Variants in HADH observed in about 807,000 individuals in gnomAD.
HADH encodes hydroxyacyl-coenzyme A dehydrogenase, mitochondrial.
In HADH, 24 loss-of-function variants were observed where a neutral mutation model predicts 32.2. The ratio of observed to expected loss-of-function variants is 0.75; its 90% CI spans 0.54 to 1.05. HADH has a LOEUF of 1.05. Among genes scored for constraint, HADH ranks in the 50% least tolerant of loss-of-function variants. The probability of loss-of-function intolerance (pLI) is 0.00; values close to 1 mark genes in which losing one functional copy is unlikely to be tolerated. For synonymous variants in HADH, 139 were observed against 152.5 expected, an observed-to-expected ratio of 0.91 and a Z score of 0.65; for missense variants, 350 against 397.1, an observed-to-expected ratio of 0.88 and a Z score of 1.01.
chr4:108,005,167 T>C, intron 1 of HADH: 1 of 299,880 alleles, frequency 3.3e-6, no homozygotes, highest in South Asian at 5.3e-5. Context: ...ACTAGGGTCT[T>C]TGGGGATCTA....
At position 108,019,685 on chromosome 4, in the gene HADH, G is replaced by A; in HGVS notation, c.546+19G>A. ...TGTGGAGGTCAGTGGGTGTCAGCTT[G>A]TGTGTGTCTGCCCGCTCTGCCAGCT... is the stretch of plus-strand genomic sequence containing the variant. On this transcript the variant is annotated intron_variant, in intron 4 of 7. Transcript: ENST00000309522. 1 of 1,613,774 alleles carries A rather than the reference G, an allele frequency of 6.2e-7. No individual in the cohort carries two copies. Among genetic ancestry groups the A allele is most frequent in the East Asian group, 2.2e-5 (1 of 44,868 alleles).
At chr4:107,995,757 G>C (rs1734936877) in intron 1 of HADH, among the ~76,000 whole-genome samples, 1 of 152,284 alleles carries the variant, frequency 6.6e-6, no homozygotes, top group Admixed American at 6.5e-5. Context: ...AAATCCCCAA[G>C]CCTGAATTCA....
intron 1 of HADH, among the ~76,000 whole-genome samples, chr4:107,994,004 A>C (rs1267749325): frequency 6.6e-6 from 1 of 152,088 alleles, no homozygotes; most frequent in Non-Finnish European, 1.5e-5. Context: ...TGCTTCATAC[A>C]TTGGGTTTTT....
At position 108,028,981 on chromosome 4, in the gene HADH, G is replaced by A. The variant is rs1382682066; in HGVS notation, c.709+1221G>A. ...GCTGAAGCTGGAAGAGCAGGACCTGGCCTCAGGACATGCTCTTAGCTTGCT... is the reference window on the plus strand; with the variant it reads ...GCTGAAGCTGGAAGAGCAGGACCTGACCTCAGGACATGCTCTTAGCTTGCT... On this transcript the variant is annotated intron_variant, in intron 6 of 7. Coordinates refer to ENST00000309522, the MANE Select transcript of HADH (RefSeq NM_005327.7). The A allele has an allele frequency of 4.8e-5, 19 of 398,496 alleles. No homozygotes were observed. The East Asian group carries it at 6.4e-4, about 13-fold the overall frequency. 24.7% of individuals were successfully genotyped at this position (398,496 alleles called of 1,614,324 possible). A position where few individuals can be genotyped will look rare whatever the true frequency, so the allele number is the denominator to read the frequency against.
At chr4:108,031,926 T>C (rs1354880501) in intron 6 of HADH, 1 of 161,948 alleles carries the variant, frequency 6.2e-6, no homozygotes, top group Non-Finnish European at 1.3e-5. Context: ...ACTCAAATCA[T>C]GATTTCTCAG....
At chr4:108,019,818 T>G (rs768148253) in intron 4 of HADH, 152 bp downstream of exon 4, 4 of 839,846 alleles carry the variant, frequency 4.8e-6, no homozygotes, top group Non-Finnish European at 6.1e-6. Flanking sequence ...CTAGGAGGGC[T>G]TCTATGCTTT....
At chr4:107,998,226 C>T (rs1282344600) in intron 1 of HADH, among the ~76,000 whole-genome samples, 1 of 152,066 alleles carries the variant, frequency 6.6e-6, no homozygotes, top group Non-Finnish European at 1.5e-5. Context: ...ATATGGGGGA[C>T]ATCTAGCTTA....
At chr4:108,014,838 C>G (rs560704528) in intron 3 of HADH, among the ~76,000 whole-genome samples, 34 of 152,248 alleles carry the variant, frequency 2.2e-4, no homozygotes, top group African/African-American at 7.2e-4. Context: ...TTATTTCCCT[C>G]TGTACATCCA....
chr4:108,005,369 C>T (rs941432343), intron 1 of HADH: 3 of 158,598 alleles, frequency 1.9e-5, no homozygotes, highest in African/African-American at 4.8e-5. Context: ...GACATTTTGC[C>T]GTAAGTTGAA....
chr4:108,003,811 TAAAA>T lies in HADH; in HGVS notation c.133-5936_133-5933del, dbSNP rs74268353. 2.7e-4 allele frequency among the ~76,000 whole-genome samples: 40 copies of T among 146,642 alleles called. 1 individual carries two copies. The highest frequency in any genetic ancestry group is 3.5e-3 in the Middle Eastern group (1 of 288). ...AAAGAAGAAGGGGGCAGCCCAGAAT[TAAAA>T]AAAAAAAAAAACAAAAAAAAAACCC... is the stretch of plus-strand genomic sequence containing the variant. On this transcript the variant is annotated intron_variant, in intron 1 of 7. Transcript: ENST00000309522.
Position 108,009,798 on chromosome 4 carries a change from C to T in HADH, c.172C>T (p.Gln58Ter). 1.2e-6 allele frequency: 2 copies of T among 1,611,132 alleles called. No homozygotes were observed. The highest frequency in any genetic ancestry group is 1.7e-6 in the Non-Finnish European group (2 of 1,177,418). Residue 58 changes from glutamine to a stop codon, truncating the protein, a stop_gained, in exon 2 of 8, where the codon CAG becomes TAG. Coordinates refer to ENST00000309522, the MANE Select transcript of HADH (RefSeq NM_005327.7). LOFTEE classifies it high-confidence loss of function. ...TGGTCACACAGTAGTGTTGGTAGACCAGACAGAGGACATCCTGGCAAAATC... is the reference window on the plus strand; with the variant it reads ...TGGTCACACAGTAGTGTTGGTAGACTAGACAGAGGACATCCTGGCAAAATC... Reference protein sequence around the residue: ...ATGHTVVLVDQTEDILAKSKK... With the variant: ...ATGHTVVLVD
At chr4:107,991,414 T>G (rs1260742481) in intron 1 of HADH, among the ~76,000 whole-genome samples, 1 of 152,232 alleles carries the variant, frequency 6.6e-6, no homozygotes, top group Admixed American at 6.5e-5. Flanking sequence ...AAAAACCTTT[T>G]ACTATTAGGT....
chr4:108,009,578 C>T (rs1410609658), intron 1 of HADH, among the ~76,000 whole-genome samples, 181 bp from the exon 2 acceptor site: 1 of 152,130 alleles, frequency 6.6e-6, no homozygotes, highest in Non-Finnish European at 1.5e-5. Flanking sequence ...AGAACAGTGC[C>T]TGGCAAGAAG....
intron 4 of HADH, among the ~76,000 whole-genome samples, chr4:108,021,403 C>T (rs574968462): frequency 6.6e-6 from 1 of 152,108 alleles, no homozygotes; most frequent in Non-Finnish European, 1.5e-5. Context: ...TAAAAGTGTT[C>T]TTCTCTATTC....
At chr4:108,001,116 A>G (rs1466141157) in intron 1 of HADH, among the ~76,000 whole-genome samples, 4 of 152,250 alleles carry the variant, frequency 2.6e-5, no homozygotes, top group Non-Finnish European at 5.9e-5. Context: ...AGAGGGTAGC[A>G]TTTGAAATGG....
At chr4:107,990,939 A>G (rs1383446315) in intron 1 of HADH, among the ~76,000 whole-genome samples, 1 of 151,796 alleles carries the variant, frequency 6.6e-6, no homozygotes, top group African/African-American at 2.4e-5. Context: ...ACAGGGTTTC[A>G]CCTTGTGGGT....
intron 6 of HADH, chr4:108,028,222 T>C (rs1458795118): frequency 4.8e-6 from 1 of 206,496 alleles, no homozygotes; most frequent in Non-Finnish European, 9.9e-6. Flanking sequence ...TAGTCTGTCC[T>C]TACTGAGTGA....
intron 5 of HADH, chr4:108,024,778 G>A (rs911910407): frequency 5.3e-5 from 8 of 152,364 alleles, no homozygotes; most frequent in African/African-American, 1.4e-4. Context: ...GGAAACAGAA[G>A]TACAGGGAAA....
intron 6 of HADH, chr4:108,029,979 A>G (rs1736205107): frequency 6.6e-6 from 1 of 151,788 alleles, no homozygotes; most frequent in South Asian, 2.1e-4. Flanking sequence ...CCAGGCACCC[A>G]CTCCTAATGG....
Sources: gnomAD v4.1 joint callset for allele counts (sites outside exome capture counted in the v4.1 genomes callset) on GRCh38, gnomAD v4.1.1 for gene constraint, MANE v1.5 for transcripts, NCBI Gene and HGNC (gene_info 2026-07-23, HGNC 2026-07-21) for gene names.